Variants in CDKAL1 observed in about 807,000 individuals in gnomAD.
CDKAL1 encodes the protein CDKAL1 threonylcarbamoyladenosine tRNA methylthiotransferase, also known as threonylcarbamoyladenosine tRNA methylthiotransferase.
CDKAL1 carries 32 observed loss-of-function variants against 68.2 expected under a neutral mutation model. That is an observed-to-expected ratio of 0.47 (90% confidence interval 0.35 to 0.63). The LOEUF is 0.63. Ranked by LOEUF, CDKAL1 falls within the 30% of genes least tolerant of loss-of-function variation. The probability of loss-of-function intolerance (pLI) is 0.00; values close to 1 mark genes in which losing one functional copy is unlikely to be tolerated. For missense variants in CDKAL1, 606 were observed against 696.7 expected, an observed-to-expected ratio of 0.87 and a Z score of 1.47; for synonymous variants, 234 against 244.3, an observed-to-expected ratio of 0.96 and a Z score of 0.39.
intron 13 of CDKAL1, among the ~76,000 whole-genome samples, chr6:21,141,241 T>G (rs1447277674): frequency 2.0e-5 from 3 of 152,222 alleles, no homozygotes; most frequent in Non-Finnish European, 4.4e-5. Context: ...CTTTGCAGAT[T>G]TTATTTCTTA....
At chr6:21,075,088 A>C (rs1186387997) in intron 12 of CDKAL1, among the ~76,000 whole-genome samples, 1 of 148,436 alleles carries the variant, frequency 6.7e-6, no homozygotes, top group Non-Finnish European at 1.5e-5. Flanking sequence ...TAATGAAAGT[A>C]GATGCTAACC....
chr6:21,063,122 C>T (rs563614882), intron 11 of CDKAL1, among the ~76,000 whole-genome samples: 5 of 152,108 alleles, frequency 3.3e-5, no homozygotes, highest in Non-Finnish European at 7.4e-5. Flanking sequence ...ACCATGTTGG[C>T]CAGGCTGGTC....
At chr6:20,798,472 A>G (rs1219098625) in intron 8 of CDKAL1, among the ~76,000 whole-genome samples, 1 of 152,204 alleles carries the variant, frequency 6.6e-6, no homozygotes, top group Non-Finnish European at 1.5e-5. Context: ...ACGTATGTTT[A>G]TTGCAGCACT....
intron 9 of CDKAL1, among the ~76,000 whole-genome samples, chr6:20,930,236 G>C (rs746041400): frequency 1.4e-5 from 2 of 144,650 alleles, no homozygotes; most frequent in Non-Finnish European, 3.0e-5. Context: ...TCAACTCTTT[G>C]TTAACACCAT....
In CDKAL1 at chr6:21,201,254, G is replaced by A. The variant is rs1398236612; in HGVS notation, c.1528G>A (p.Glu510Lys). Reference protein sequence around the residue: ...PSISKPLAKGEVSGLTKDFRN... With the variant: ...PSISKPLAKGKVSGLTKDFRN... Reference sequence around the variant, plus strand: ...CATCAGCAAACCGCTAGCAAAGGGAGAAGTCTCGGGTTTGACAAAGGTAAG... The same window carrying A: ...CATCAGCAAACCGCTAGCAAAGGGAAAAGTCTCGGGTTTGACAAAGGTAAG... Residue 510 changes from glutamate to lysine, a missense_variant, in exon 15 of 16, where the codon GAA becomes AAA. By Grantham distance (56) the Glu-to-Lys change is moderately conservative. Coordinates refer to ENST00000274695, the MANE Select transcript of CDKAL1 (RefSeq NM_017774.3). 1 of 1,609,718 alleles carries A rather than the reference G, an allele frequency of 6.2e-7. No homozygotes were observed. The highest frequency in any genetic ancestry group is 1.7e-5 in the Admixed American group (1 of 59,964).
intron 5 of CDKAL1, among the ~76,000 whole-genome samples, chr6:20,705,593 G>A (rs1771558450): frequency 6.6e-6 from 1 of 152,174 alleles, no homozygotes; most frequent in Non-Finnish European, 1.5e-5. Context: ...AGACCCCCAT[G>A]TATAAACAAC....
intron 4 of CDKAL1, among the ~76,000 whole-genome samples, chr6:20,599,828 T>A (rs953838931): frequency 6.6e-6 from 1 of 152,164 alleles, no homozygotes; most frequent in Non-Finnish European, 1.5e-5. Flanking sequence ...ACTCCTTGGG[T>A]AGCATGTGTG....
chr6:21,155,724 C>T (rs1347863883), intron 13 of CDKAL1, among the ~76,000 whole-genome samples: 1 of 152,146 alleles, frequency 6.6e-6, no homozygotes, highest in Non-Finnish European at 1.5e-5. Context: ...AGACCTGTTT[C>T]CCATGCATTA....
At chr6:21,132,902 A>C (rs1415653432) in intron 13 of CDKAL1, among the ~76,000 whole-genome samples, 1 of 152,028 alleles carries the variant, frequency 6.6e-6, no homozygotes, top group Non-Finnish European at 1.5e-5. Flanking sequence ...TCTACAGAGC[A>C]TGGGGATTGT....
intron 4 of CDKAL1, among the ~76,000 whole-genome samples, chr6:20,616,620 T>C (rs1370115791): frequency 8.7e-5 from 13 of 149,328 alleles, no homozygotes; most frequent in South Asian, 2.2e-4. Flanking sequence ...GTGATTTTTG[T>C]ACATTGATTT....
At chr6:21,191,701 T>C (rs1778244808) in intron 13 of CDKAL1, among the ~76,000 whole-genome samples, 1 of 152,004 alleles carries the variant, frequency 6.6e-6, no homozygotes, top group African/African-American at 2.4e-5. Context: ...TCCAACATCT[T>C]ACTTTCTTTG....
At chr6:20,979,443 C>T (rs914694858) in intron 10 of CDKAL1, among the ~76,000 whole-genome samples, 12 of 152,018 alleles carry the variant, frequency 7.9e-5, no homozygotes, top group African/African-American at 2.7e-4. Context: ...TTTTAGTAGG[C>T]AGGGTTGGCT....
At chr6:20,808,583 G>A (rs1776668364) in intron 8 of CDKAL1, among the ~76,000 whole-genome samples, 1 of 151,900 alleles carries the variant, frequency 6.6e-6, no homozygotes, top group Non-Finnish European at 1.5e-5. Context: ...TTTGGTAGTG[G>A]GACAAAGATA....
At chr6:20,900,650 G>C (rs1001261034) in intron 9 of CDKAL1, among the ~76,000 whole-genome samples, 5 of 152,184 alleles carry the variant, frequency 3.3e-5, no homozygotes, top group African/African-American at 1.2e-4. Flanking sequence ...TCACTTTTAA[G>C]CAACACCTGT....
chr6:20,661,301 G>A (rs965424570), intron 5 of CDKAL1, among the ~76,000 whole-genome samples: 2 of 152,100 alleles, frequency 1.3e-5, no homozygotes, highest in African/African-American at 4.8e-5. Context: ...TTGTTGCGAG[G>A]ATTTTGTAAT....
At chr6:21,190,882 C>G (rs1778209959) in intron 13 of CDKAL1, among the ~76,000 whole-genome samples, 1 of 152,126 alleles carries the variant, frequency 6.6e-6, no homozygotes. Flanking sequence ...AACTCAGCAT[C>G]TCAGAATAGA....
At chr6:21,216,566 G>A (rs1352527666) in intron 15 of CDKAL1, among the ~76,000 whole-genome samples, 4 of 152,168 alleles carry the variant, frequency 2.6e-5, no homozygotes, top group Non-Finnish European at 4.4e-5. Context: ...AAGGTGTGGT[G>A]GATGGGTGGG....
intron 12 of CDKAL1, among the ~76,000 whole-genome samples, chr6:21,080,687 A>T: frequency 6.7e-6 from 1 of 150,288 alleles, no homozygotes; most frequent in African/African-American, 2.4e-5. Context: ...TTTAGCCCCA[A>T]TGTGACAATG....
At chr6:20,874,848 G>A (rs571261518) in intron 9 of CDKAL1, among the ~76,000 whole-genome samples, 21 of 152,106 alleles carry the variant, frequency 1.4e-4, no homozygotes, top group Admixed American at 1.2e-3. Flanking sequence ...ATAGATGAGA[G>A]GGCGACTTCA....
Sources: gnomAD v4.1 joint callset for allele counts (sites outside exome capture counted in the v4.1 genomes callset) on GRCh38, gnomAD v4.1.1 for gene constraint, MANE v1.5 for transcripts, NCBI Gene and HGNC (gene_info 2026-07-23, HGNC 2026-07-21) for gene names.